Variants in CDH13 observed in about 807,000 individuals in gnomAD.
CDH13 encodes cadherin-13.
CDH13 carries 24 observed loss-of-function variants against 63.8 expected under a neutral mutation model. The observed-to-expected ratio is 0.38, with a 90% CI of 0.27 to 0.53. The LOEUF is 0.53. Among genes scored for constraint, CDH13 ranks in the 20% least tolerant of loss-of-function variants. The pLI is 0.85. For missense variants in CDH13, 1,049 were observed against 903.1 expected, an observed-to-expected ratio of 1.16 and a Z score of -2.07; for synonymous variants, 503 against 355.3, an observed-to-expected ratio of 1.42 and a Z score of -4.67.
chr16:82,822,621 A>G (rs1453342205), intron 1 of CDH13, among the ~76,000 whole-genome samples: 1 of 152,086 alleles, frequency 6.6e-6, no homozygotes, highest in Non-Finnish European at 1.5e-5. Flanking sequence ...TAGCCTTCTG[A>G]ATAGCTGAGA....
chr16:83,617,641 C>G (rs1037815538), intron 8 of CDH13, among the ~76,000 whole-genome samples: 1 of 151,174 alleles, frequency 6.6e-6, no homozygotes, highest in Admixed American at 6.6e-5. Flanking sequence ...ATATATATTT[C>G]TAATATGCAC....
chr16:82,882,582 G>A (rs768480578), intron 2 of CDH13, among the ~76,000 whole-genome samples: 5 of 152,122 alleles, frequency 3.3e-5, no homozygotes, highest in Non-Finnish European at 7.4e-5. Context: ...TATGTAGAGG[G>A]ACTAAGGGTG....
chr16:83,622,800 C>T (rs561164598), intron 8 of CDH13, among the ~76,000 whole-genome samples: 1 of 152,304 alleles, frequency 6.6e-6, no homozygotes, highest in Admixed American at 6.5e-5. Context: ...ATTTGATATA[C>T]TTGTTCTGAG....
intron 1 of CDH13, among the ~76,000 whole-genome samples, chr16:82,722,073 G>T (rs767324540): frequency 3.9e-5 from 6 of 152,186 alleles, no homozygotes; most frequent in Non-Finnish European, 5.9e-5. Context: ...TGTTGGTTTG[G>T]ATGGAAACAC....
chr16:83,578,825 G>A (rs1213391530), intron 7 of CDH13, among the ~76,000 whole-genome samples: 1 of 152,154 alleles, frequency 6.6e-6, no homozygotes, highest in Non-Finnish European at 1.5e-5. Context: ...TGTCCTATGT[G>A]TATCATTTCA....
chr16:83,241,675 G>C (rs146441926), intron 5 of CDH13, among the ~76,000 whole-genome samples: 2 of 152,190 alleles, frequency 1.3e-5, no homozygotes, highest in Non-Finnish European at 2.9e-5. Flanking sequence ...TTTTTAATCA[G>C]TTTATTTGGA....
intron 2 of CDH13, among the ~76,000 whole-genome samples, chr16:83,016,597 T>A (rs751283503): frequency 7.9e-5 from 12 of 152,178 alleles, no homozygotes; most frequent in Non-Finnish European, 1.3e-4. Flanking sequence ...CTGGTTATTA[T>A]CAAGCCACCA....
intron 6 of CDH13, among the ~76,000 whole-genome samples, chr16:83,345,678 T>C (rs368813123): frequency 6.6e-6 from 1 of 152,130 alleles, no homozygotes; most frequent in Non-Finnish European, 1.5e-5. Context: ...AATTAAAGTA[T>C]CCCACAGCCA....
chr16:83,241,389 T>G (rs1384114186), intron 5 of CDH13, among the ~76,000 whole-genome samples: 3 of 152,214 alleles, frequency 2.0e-5, no homozygotes, highest in African/African-American at 7.2e-5. Flanking sequence ...TGTCTTTAGC[T>G]TTTTGAGAAA....
At chr16:83,387,081 A>G (rs1343774243) in intron 6 of CDH13, among the ~76,000 whole-genome samples, 1 of 152,218 alleles carries the variant, frequency 6.6e-6, no homozygotes, top group Admixed American at 6.5e-5. Flanking sequence ...AGACTCTATT[A>G]TAGAGGCAGG....
At chr16:82,629,214 G>A (rs1196122828) in intron 1 of CDH13, among the ~76,000 whole-genome samples, 1 of 152,176 alleles carries the variant, frequency 6.6e-6, no homozygotes, top group Non-Finnish European at 1.5e-5. Flanking sequence ...TCCTCACCCA[G>A]GGCCAGGCTG....
chr16:83,236,718 A>T (rs1184544732), intron 5 of CDH13, among the ~76,000 whole-genome samples: 1 of 152,104 alleles, frequency 6.6e-6, no homozygotes, highest in South Asian at 2.1e-4. Context: ...GAATGGATAA[A>T]CAAATTGTGA....
intron 5 of CDH13, among the ~76,000 whole-genome samples, chr16:83,239,640 G>A (rs1457709713): frequency 6.6e-6 from 1 of 152,104 alleles, no homozygotes; most frequent in Non-Finnish European, 1.5e-5. Flanking sequence ...ATTTTTTTCT[G>A]GAGCTAAATC....
chr16:82,701,874 C>T (rs1415303332), intron 1 of CDH13, among the ~76,000 whole-genome samples: 1 of 152,162 alleles, frequency 6.6e-6, no homozygotes, highest in East Asian at 1.9e-4. Context: ...CTTCTGAAGA[C>T]ACAGAAGTTG....
chr16:83,088,257 G>A (rs1297872009), intron 3 of CDH13, among the ~76,000 whole-genome samples: 3 of 152,160 alleles, frequency 2.0e-5, no homozygotes, highest in African/African-American at 7.2e-5. Context: ...AGGGTGTCTT[G>A]TTGAGTTTCA....
intron 7 of CDH13, among the ~76,000 whole-genome samples, chr16:83,498,588 C>T (rs972595314): frequency 1.3e-5 from 2 of 152,174 alleles, no homozygotes; most frequent in African/African-American, 4.8e-5. Flanking sequence ...TGATAGGAAT[C>T]TAATGAGGTC....
At chr16:83,697,153 A>G (rs750951352) in intron 10 of CDH13, among the ~76,000 whole-genome samples, 2 of 152,136 alleles carry the variant, frequency 1.3e-5, no homozygotes, top group African/African-American at 2.4e-5. Context: ...TGTCACCCCA[A>G]CATTAATACT....
intron 7 of CDH13, among the ~76,000 whole-genome samples, chr16:83,566,156 C>T (rs895195372): frequency 6.6e-6 from 1 of 152,110 alleles, no homozygotes; most frequent in Non-Finnish European, 1.5e-5. Flanking sequence ...TACCACAGTC[C>T]TCTTCCAATT....
At chr16:82,865,417 G>A (rs1003457222) in intron 2 of CDH13, among the ~76,000 whole-genome samples, 1 of 152,214 alleles carries the variant, frequency 6.6e-6, no homozygotes, top group African/African-American at 2.4e-5. Context: ...CTGAAATCTA[G>A]GCAGAAGTTC....
Sources: allele counts gnomAD v4.1 joint callset (sites outside exome capture counted in the v4.1 genomes callset), GRCh38; gene constraint gnomAD v4.1.1; transcripts MANE v1.5; gene names NCBI Gene and HGNC (gene_info 2026-07-23, HGNC 2026-07-21).